The following KCNB2 variants were observed in gnomAD, a reference collection of about 807,000 sequenced individuals.
The protein encoded by KCNB2 is delayed rectifier potassium channel protein.
In KCNB2, 15 loss-of-function variants were observed where a neutral mutation model predicts 61.5. The observed-to-expected ratio is 0.24, with a 90% confidence interval of 0.16 to 0.38. The LOEUF (loss-of-function observed/expected upper bound fraction) is 0.38, where lower values mean the gene tolerates loss of function less well. Ranked by LOEUF, KCNB2 falls within the 10% of genes least tolerant of loss-of-function variation. KCNB2 has a pLI of 1.00. For missense variants in KCNB2, 828 were observed against 1,125.2 expected, an observed-to-expected ratio of 0.74 and a Z score of 3.78; for synonymous variants, 457 against 446.0, an observed-to-expected ratio of 1.02 and a Z score of -0.31.
chr8:72,675,120 A>G (rs1294836046), intron 2 of KCNB2, among the ~76,000 whole-genome samples: 1 of 152,230 alleles, frequency 6.6e-6, no homozygotes, highest in Non-Finnish European at 1.5e-5. Context: ...AGAGAACACT[A>G]TGAAGGAAAA....
chr8:72,725,555 A>G (rs1455015477), intron 2 of KCNB2, among the ~76,000 whole-genome samples: 5 of 65,600 alleles, frequency 7.6e-5, no homozygotes, highest in East Asian at 4.2e-4. Context: ...GTATATATAT[A>G]TGTATATATG....
intron 2 of KCNB2, among the ~76,000 whole-genome samples, chr8:72,843,750 G>A (rs1380002260): frequency 6.6e-6 from 1 of 152,104 alleles, no homozygotes; most frequent in African/African-American, 2.4e-5. Flanking sequence ...CAGAGACTGG[G>A]ATTGCAACCC....
rs767503934 is a variant in KCNB2, at chr8:72,936,855, G to A, written c.1500G>A (p.Ser500=). 22 of 1,613,924 alleles carry A rather than the reference G, an allele frequency of 1.4e-5. No individual in the cohort carries two copies. The highest frequency in any genetic ancestry group is 2.7e-5 in the African/African-American group (2 of 74,890). ...SRWKWARKAL[S]ETSSNKSFEN... ...GGAAGTGGGCCAGGAAGGCTCTGTC[G>A]GAAACAAGCTCCAACAAGTCTTTCG... The change falls in exon 3 of 3, where the codon TCG becomes TCA. Residue 500 remains serine (S), a synonymous_variant. Transcript: ENST00000523207. This position sits in a 1 kb window ranked among gnomAD's most constrained non-coding sequence, Gnocchi z 5.6.
intron 2 of KCNB2, among the ~76,000 whole-genome samples, chr8:72,791,916 A>C (rs1281544082): frequency 2.0e-5 from 3 of 152,246 alleles, no homozygotes; most frequent in Non-Finnish European, 1.5e-5. Flanking sequence ...TAGTAACAAT[A>C]GGCCTACTTC....
In KCNB2 at chr8:72,937,101, A is replaced by T; in HGVS notation, c.1746A>T (p.Pro582=). Reference sequence around the variant, plus strand: ...TTGAAATGGAAGAAGTGGTGTGTCCACAGGAGCAGCTGGCCGTGGCACAGA... The same window carrying T: ...TTGAAATGGAAGAAGTGGTGTGTCCTCAGGAGCAGCTGGCCGTGGCACAGA... The part of the protein sequence containing the change: ...EEIEMEEVVC[P]QEQLAVAQTE... Residue 582 remains proline, a synonymous_variant, in exon 3 of 3, where the codon CCA becomes CCT. Transcript: ENST00000523207. 1 of 1,614,184 alleles carries T rather than the reference A, an allele frequency of 6.2e-7. No individual in the cohort carries two copies. Among genetic ancestry groups the T allele is most frequent in the African/African-American group, 1.3e-5 (1 of 75,042 alleles).
intron 2 of KCNB2, among the ~76,000 whole-genome samples, chr8:72,569,721 T>C (rs1371760961): frequency 1.3e-5 from 2 of 152,144 alleles, no homozygotes. Flanking sequence ...ATACTCGAGT[T>C]ACTACAAAAA....
chr8:72,872,915 C>T (rs1311655340), intron 2 of KCNB2, among the ~76,000 whole-genome samples: 1 of 152,128 alleles, frequency 6.6e-6, no homozygotes, highest in Admixed American at 6.5e-5. Context: ...CGGTGTCTCC[C>T]CCAAATAAAG....
chr8:72,664,476 A>T (rs1214772719), intron 2 of KCNB2, among the ~76,000 whole-genome samples: 1 of 152,220 alleles, frequency 6.6e-6, no homozygotes, highest in Non-Finnish European at 1.5e-5. Context: ...TGGTTCGATT[A>T]ATGGCCTGCT....
At chr8:72,821,249 G>A (rs1311427093) in intron 2 of KCNB2, among the ~76,000 whole-genome samples, 1 of 152,054 alleles carries the variant, frequency 6.6e-6, no homozygotes, top group Non-Finnish European at 1.5e-5. Context: ...AGGGGAGTCT[G>A]ATCTGCTTTT....
chr8:72,738,363 C>T (rs1044063243), intron 2 of KCNB2, among the ~76,000 whole-genome samples: 9 of 152,034 alleles, frequency 5.9e-5, no homozygotes, highest in African/African-American at 1.9e-4. Context: ...GCAGGAAGCC[C>T]CTCTGGGAAT....
At chr8:72,746,333 G>T (rs1193234440) in intron 2 of KCNB2, among the ~76,000 whole-genome samples, 1 of 71,740 alleles carries the variant, frequency 1.4e-5, no homozygotes, top group East Asian at 5.1e-4. Flanking sequence ...ATTATGAAAA[G>T]TGGTGAAAGG....
chr8:72,673,457 A>G (rs1806599567), intron 2 of KCNB2, among the ~76,000 whole-genome samples: 1 of 152,138 alleles, frequency 6.6e-6, no homozygotes. Flanking sequence ...TTCTGCCATG[A>G]CTGTAAGTTT....
intron 2 of KCNB2, among the ~76,000 whole-genome samples, chr8:72,870,812 T>C (rs1805603271): frequency 6.6e-6 from 1 of 152,118 alleles, no homozygotes; most frequent in Admixed American, 6.5e-5. Context: ...ACTCCATCTC[T>C]ATAAAAATAC....
chr8:72,667,707 G>A (rs994950214), intron 2 of KCNB2, among the ~76,000 whole-genome samples: 7 of 152,034 alleles, frequency 4.6e-5, no homozygotes, highest in African/African-American at 7.2e-5. Context: ...CATCTCCTGC[G>A]TGGCTCCCTG....
chr8:72,604,044 A>G lies in KCNB2; in HGVS notation c.579+35731A>G, dbSNP rs1368811492. 2.0e-5 allele frequency among the ~76,000 whole-genome samples: 3 copies of G among 152,254 alleles called. No homozygotes were observed. In the East Asian group the frequency reaches 5.8e-4, roughly 29 times the overall value. On this transcript the variant is annotated intron_variant, in intron 2 of 2. Coordinates refer to ENST00000523207, the MANE Select transcript of KCNB2 (RefSeq NM_004770.3). ...AGCCTCCAGAACTGTGAGAGAATAC[A>G]TGTTGCTGTTTAAGCCACCTAGTTT...
At chr8:72,862,632 A>G (rs904987987) in intron 2 of KCNB2, among the ~76,000 whole-genome samples, 1 of 152,174 alleles carries the variant, frequency 6.6e-6, no homozygotes, top group Non-Finnish European at 1.5e-5. Flanking sequence ...TTCCTCACCT[A>G]TGAAAAGGGG....
intron 2 of KCNB2, among the ~76,000 whole-genome samples, chr8:72,656,287 C>T (rs893948499): frequency 6.6e-6 from 1 of 152,126 alleles, no homozygotes; most frequent in African/African-American, 2.4e-5. Flanking sequence ...GGACAAGTGT[C>T]TTAAAGACAA....
intron 2 of KCNB2, among the ~76,000 whole-genome samples, chr8:72,612,780 A>G (rs1263199170): frequency 1.3e-5 from 2 of 152,166 alleles, no homozygotes; most frequent in East Asian, 3.8e-4. Flanking sequence ...TGGTCCTTAG[A>G]ACTTCTAAGC....
At chr8:72,799,145 C>T (rs1809081080) in intron 2 of KCNB2, among the ~76,000 whole-genome samples, 1 of 152,136 alleles carries the variant, frequency 6.6e-6, no homozygotes, top group Non-Finnish European at 1.5e-5. Flanking sequence ...CTTCTCACCT[C>T]TATAGATGGC....
Sources: gnomAD v4.1 joint callset for allele counts (sites outside exome capture counted in the v4.1 genomes callset) on GRCh38, gnomAD v4.1.1 for gene constraint, Gnocchi (gnomAD v3.1) non-coding constraint, MANE v1.5 for transcripts, NCBI Gene and HGNC (gene_info 2026-07-23, HGNC 2026-07-21) for gene names.